The following KCNIP3 variants were observed in gnomAD, a reference collection of about 807,000 sequenced individuals.
KCNIP3 encodes the protein potassium voltage-gated channel interacting protein 3, also known as calsenilin.
In KCNIP3, 28 loss-of-function variants were observed where a neutral mutation model predicts 35.0. The observed-to-expected ratio is 0.80, with a 90% CI of 0.59 to 1.10. KCNIP3 has a LOEUF of 1.10. Among genes scored for constraint, KCNIP3 ranks in the 50% least tolerant of loss-of-function variants. KCNIP3 has a pLI of 0.00. For missense variants in KCNIP3, 295 were observed against 338.4 expected (o/e 0.87, Z 1.01); for synonymous variants, 134 against 133.8 (o/e 1.00, Z -0.01).
intron 2 of KCNIP3, among the ~76,000 whole-genome samples, chr2:95,357,504 C>T (rs555899195): frequency 3.2e-4 from 48 of 152,248 alleles, no homozygotes; most frequent in Admixed American, 1.3e-3. Context: ...GAGCTCCGGT[C>T]GTCTAGAGGC....
At chr2:95,344,274 T>TGGGGGGGGG (rs3836206) in intron 2 of KCNIP3, among the ~76,000 whole-genome samples, 5 of 129,694 alleles carry the variant, frequency 3.9e-5, no homozygotes, top group African/African-American at 8.2e-5. Flanking sequence ...GGTGGCGGGG[T>TGGGGGGGGG]GGGGGGGGGC....
chr2:95,302,284 G>A (rs1376450920), intron 1 of KCNIP3, among the ~76,000 whole-genome samples: 2 of 152,200 alleles, frequency 1.3e-5, no homozygotes, highest in Admixed American at 6.5e-5. Context: ...GGTGAGAATC[G>A]GGGGACCCCC....
chr2:95,346,599 C>T (rs1325853259), intron 2 of KCNIP3: 2 of 146,248 alleles, frequency 1.4e-5, no homozygotes, highest in African/African-American at 4.9e-5. Flanking sequence ...CCCCCGCCGC[C>T]GCGCCGCCGC....
At chr2:95,309,362 G>T (rs1678256044) in intron 1 of KCNIP3, among the ~76,000 whole-genome samples, 1 of 152,080 alleles carries the variant, frequency 6.6e-6, no homozygotes, top group Admixed American at 6.6e-5. Flanking sequence ...TGCTGCCCTG[G>T]GGCCTCCACC....
intron 1 of KCNIP3, among the ~76,000 whole-genome samples, chr2:95,307,069 C>T (rs1349083051): frequency 6.6e-6 from 1 of 152,186 alleles, no homozygotes; most frequent in Non-Finnish European, 1.5e-5. Context: ...CCTCCCTTCT[C>T]TTCTCAGAAC....
At chr2:95,336,680 T>C (rs1476509193) in intron 2 of KCNIP3, among the ~76,000 whole-genome samples, 2 of 152,238 alleles carry the variant, frequency 1.3e-5, no homozygotes, top group East Asian at 3.9e-4. Context: ...GAGTTTTGTT[T>C]TGGCGAGCAT....
chr2:95,343,962 C>G (rs1679281343), intron 2 of KCNIP3, among the ~76,000 whole-genome samples: 1 of 143,250 alleles, frequency 7.0e-6, no homozygotes, highest in Non-Finnish European at 1.5e-5. Flanking sequence ...CCCCTGTCTC[C>G]TAGTCATCCT....
At chr2:95,311,986 GAAAAT>G (rs1678331683) in intron 2 of KCNIP3, 2 of 152,242 alleles carry the variant, frequency 1.3e-5, no homozygotes, top group Non-Finnish European at 2.9e-5. Context: ...GCATCAGAAT[GAAAAT>G]GCGCCTGCTC....
At chr2:95,383,014 C>T (rs1424742240) in intron 7 of KCNIP3, among the ~76,000 whole-genome samples, 1 of 152,162 alleles carries the variant, frequency 6.6e-6, no homozygotes. Flanking sequence ...TGGGGAGATG[C>T]TTGGAGCCTC....
At chr2:95,307,807 G>T (rs552805556) in intron 1 of KCNIP3, among the ~76,000 whole-genome samples, 1 of 152,178 alleles carries the variant, frequency 6.6e-6, no homozygotes, top group African/African-American at 2.4e-5. Flanking sequence ...CTCCGAGGCC[G>T]CCTCAGTTTC....
At chr2:95,358,669 C>G (rs1324553706) in intron 2 of KCNIP3, among the ~76,000 whole-genome samples, 1 of 152,192 alleles carries the variant, frequency 6.6e-6, no homozygotes, top group African/African-American at 2.4e-5. Flanking sequence ...TGGCGAGGGC[C>G]CTCTTGCTGT....
intron 2 of KCNIP3, among the ~76,000 whole-genome samples, chr2:95,334,750 C>A (rs1458815492): frequency 6.6e-6 from 1 of 152,140 alleles, no homozygotes; most frequent in African/African-American, 2.4e-5. Flanking sequence ...TCACTGGGGA[C>A]CAGGAAGCAG....
intron 2 of KCNIP3, among the ~76,000 whole-genome samples, chr2:95,322,810 A>G (rs1300618603): frequency 6.6e-6 from 1 of 152,204 alleles, no homozygotes; most frequent in Non-Finnish European, 1.5e-5. Flanking sequence ...CCTGCCTTCA[A>G]AACACCACCC....
intron 2 of KCNIP3, among the ~76,000 whole-genome samples, chr2:95,362,049 A>T (rs561307966): frequency 4.6e-5 from 7 of 151,258 alleles, no homozygotes. Context: ...CTCTGTCTTC[A>T]TGTGGCCTTT....
chr2:95,365,158 CTTTTTTTTTTT>C (rs75136882), intron 2 of KCNIP3, among the ~76,000 whole-genome samples: 1 of 120,518 alleles, frequency 8.3e-6, no homozygotes, highest in Non-Finnish European at 1.7e-5. Flanking sequence ...GTCCTTATGT[CTTTTTTTTTTT>C]TTTTTTTTTT....
chr2:95,302,288 G>C (rs1678056419), intron 1 of KCNIP3, among the ~76,000 whole-genome samples: 1 of 152,230 alleles, frequency 6.6e-6, no homozygotes, highest in African/African-American at 2.4e-5. Flanking sequence ...AGAATCGGGG[G>C]ACCCCCTTTG....
At chr2:95,337,328 A>G (rs1421013086) in intron 2 of KCNIP3, among the ~76,000 whole-genome samples, 4 of 150,636 alleles carry the variant, frequency 2.7e-5, no homozygotes, top group Middle Eastern at 3.2e-3. Flanking sequence ...TACTCTGTCC[A>G]GGTCCTAGAG....
At chr2:95,307,121 GCCTTGTGGGGCT>G (rs1678197938) in intron 1 of KCNIP3, among the ~76,000 whole-genome samples, 1 of 152,196 alleles carries the variant, frequency 6.6e-6, no homozygotes, top group Non-Finnish European at 1.5e-5. Context: ...TCATGGGCCT[GCCTTGTGGGGCT>G]CACAGGTGGG....
At chr2:95,309,353 G>C (rs1201320995) in intron 1 of KCNIP3, among the ~76,000 whole-genome samples, 3 of 151,966 alleles carry the variant, frequency 2.0e-5, no homozygotes, top group Non-Finnish European at 4.4e-5. Context: ...AGCAAATCCT[G>C]CTGCCCTGGG....
Sources: allele counts gnomAD v4.1 joint callset (sites outside exome capture counted in the v4.1 genomes callset), GRCh38; gene constraint gnomAD v4.1.1; transcripts MANE v1.5; gene names NCBI Gene and HGNC (gene_info 2026-07-23, HGNC 2026-07-21).